The following SIAH3 variants were observed in gnomAD, a reference collection of about 807,000 sequenced individuals.
SIAH3 encodes the protein siah E3 ubiquitin protein ligase family member 3, also known as seven in absentia homolog 3.
Under a neutral mutation model 12.6 loss-of-function variants are expected in SIAH3, and 9 were observed. The observed-to-expected ratio is 0.72, with a 90% CI of 0.43 to 1.25. The LOEUF (loss-of-function observed/expected upper bound fraction) is 1.25. Ranked by LOEUF, SIAH3 falls within the 50% of genes most tolerant of loss-of-function variation. SIAH3 has a pLI of 0.00. For missense variants in SIAH3, 390 were observed against 365.4 expected (o/e 1.07, Z -0.55); for synonymous variants, 154 against 151.1 (o/e 1.02, Z -0.14).
At chr13:45,820,260 G>A (rs1950650900) in intron 1 of SIAH3, among the ~76,000 whole-genome samples, 1 of 152,174 alleles carries the variant, frequency 6.6e-6, no homozygotes, top group Admixed American at 6.5e-5. Flanking sequence ...CCAAGAGGTG[G>A]TCAAGAAGCT....
Position 45,834,709 on chromosome 13 carries a change from G to A in SIAH3, c.135+16786C>T, listed in dbSNP as rs1024694510. Among the ~76,000 whole-genome samples the A allele has an allele frequency of 2.0e-5, 3 of 152,172 alleles. No homozygotes were observed. The East Asian group carries it at 5.8e-4, about 29-fold the overall frequency. ...CAAACCGACCTACTGTGGGCCAGAA[G>A]AGGGGTGCTGACCGTCTTGTGCAGG... is the stretch of plus-strand genomic sequence containing the variant. On this transcript the variant is annotated intron_variant, in intron 1 of 1. Coordinates refer to ENST00000400405, the MANE Select transcript of SIAH3 (RefSeq NM_198849.3).
intron 1 of SIAH3, among the ~76,000 whole-genome samples, chr13:45,803,805 A>C (rs2137559707): frequency 6.6e-6 from 1 of 152,178 alleles, no homozygotes; most frequent in South Asian, 2.1e-4. Flanking sequence ...ACTGCTAAGG[A>C]GTTTGAGTCT....
chr13:45,798,998 AGTC>A (rs1950572646), intron 1 of SIAH3, among the ~76,000 whole-genome samples: 1 of 152,240 alleles, frequency 6.6e-6, no homozygotes, highest in Non-Finnish European at 1.5e-5. Flanking sequence ...CACGACAAGT[AGTC>A]CAAATGAACC....
At chr13:45,822,520 AATATATATATATATATATATATATAT>A (rs36106322) in intron 1 of SIAH3, among the ~76,000 whole-genome samples, 4 of 85,420 alleles carry the variant, frequency 4.7e-5, no homozygotes, top group African/African-American at 1.8e-4. Flanking sequence ...TTCATTATCA[AATATATATATATATATATATATATAT>A]ATATATATAT....
chr13:45,799,768 A>G (rs948959338), intron 1 of SIAH3, among the ~76,000 whole-genome samples: 4 of 152,122 alleles, frequency 2.6e-5, no homozygotes, highest in African/African-American at 7.2e-5. Flanking sequence ...CTCATATTTC[A>G]TTTCATTCCA....
In SIAH3 at chr13:45,801,806, A is replaced by G. The variant is rs144318607; in HGVS notation, c.136-17749T>C. On this transcript the variant is annotated intron_variant, in intron 1 of 1. Transcript: ENST00000400405. Reference sequence around the variant, plus strand: ...ATGCTTTGGTTACCTGGGCAATAACATCTGCTGGCTGATATTCTGCATGCT... The same window carrying G: ...ATGCTTTGGTTACCTGGGCAATAACGTCTGCTGGCTGATATTCTGCATGCT... 5.7e-4 allele frequency among the ~76,000 whole-genome samples: 87 copies of G among 152,302 alleles called. No homozygotes were observed. In the Middle Eastern group the frequency reaches 0.014, roughly 24 times the overall value.
chr13:45,814,328 C>T (rs1347717587), intron 1 of SIAH3, among the ~76,000 whole-genome samples: 2 of 150,950 alleles, frequency 1.3e-5, no homozygotes, highest in African/African-American at 4.9e-5. Context: ...AGGGAGCCGA[C>T]AATTCAATGG....
chr13:45,813,710 G>A (rs1462795220), intron 1 of SIAH3, among the ~76,000 whole-genome samples: 1 of 152,178 alleles, frequency 6.6e-6, no homozygotes, highest in Non-Finnish European at 1.5e-5. Context: ...GGTGTCTGGT[G>A]AGGGCCTGCT....
intron 1 of SIAH3, among the ~76,000 whole-genome samples, chr13:45,841,464 A>G (rs796097930): frequency 7.9e-5 from 12 of 152,314 alleles, no homozygotes; most frequent in African/African-American, 2.6e-4. Context: ...TACTTGCTCC[A>G]TGCTGTTTCC....
rs997580024 is a variant in SIAH3, at chr13:45,781,314, C to T, written c.*2069G>A. On this transcript the variant is annotated 3_prime_UTR_variant, in exon 2 of 2. Transcript: ENST00000400405. ...TTTCAAAGTGGTTGAGTCTCAAAAACCAGGAGAGGACCTGTGGCTTCTAAA... is the reference window on the plus strand; with the variant it reads ...TTTCAAAGTGGTTGAGTCTCAAAAATCAGGAGAGGACCTGTGGCTTCTAAA... The T allele has an allele frequency of 6.6e-5, 10 of 152,326 alleles. No individual in the cohort carries two copies. Among genetic ancestry groups the T allele is most frequent in the African/African-American group, 2.4e-4 (10 of 41,440 alleles). 9.4% of individuals were successfully genotyped at this position (152,326 alleles called of 1,614,324 possible).
intron 1 of SIAH3, among the ~76,000 whole-genome samples, chr13:45,831,222 AT>A (rs1950698012): frequency 1.3e-5 from 2 of 151,728 alleles, no homozygotes; most frequent in East Asian, 3.9e-4. Context: ...AAATAAATAA[AT>A]AAAATAAAAA....
chr13:45,815,715 G>T (rs567594299), intron 1 of SIAH3, among the ~76,000 whole-genome samples: 1 of 152,276 alleles, frequency 6.6e-6, no homozygotes, highest in Non-Finnish European at 1.5e-5. Context: ...GATTACAGTT[G>T]TTCACTCCAT....
chr13:45,842,935 C>T (rs187990500), intron 1 of SIAH3, among the ~76,000 whole-genome samples: 1 of 152,216 alleles, frequency 6.6e-6, no homozygotes, highest in East Asian at 1.9e-4. Flanking sequence ...GTATTCCGCA[C>T]CCACTGGGCT....
In SIAH3 at chr13:45,780,269, C is replaced by CT. The variant is rs59657933; in HGVS notation, c.*3113dup. ...CCCCCTGCTTCCAGGTGGACTAGTG[C>CT]TTTTTTTTTTTTTCTAAAGAGATAG... On this transcript the variant is annotated 3_prime_UTR_variant, in exon 2 of 2. Transcript: ENST00000400405. 4.8e-4 allele frequency: 71 copies of CT among 147,098 alleles called. No homozygotes were observed. In the East Asian group the frequency reaches 5.0e-3, roughly 10 times the overall value. 9.1% of individuals were successfully genotyped at this position (147,098 alleles called of 1,614,324 possible). A position where few individuals can be genotyped will look rare whatever the true frequency, so the allele number is the denominator to read the frequency against.
Position 45,783,359 on chromosome 13 carries a change from G to C in SIAH3, c.*24C>G, listed in dbSNP as rs753900676. Reference sequence around the variant, plus strand: ...CAGGCGTTTCCTAGGGAGGCTGTGTGGGGAGCATCCGTGGCTCCTGGCCTC... The same window carrying C: ...CAGGCGTTTCCTAGGGAGGCTGTGTCGGGAGCATCCGTGGCTCCTGGCCTC... On this transcript the variant is annotated 3_prime_UTR_variant, in exon 2 of 2. Coordinates refer to ENST00000400405, the MANE Select transcript of SIAH3 (RefSeq NM_198849.3). 4.4e-6 allele frequency: 7 copies of C among 1,591,232 alleles called. No homozygotes were observed. In the South Asian group the frequency reaches 6.8e-5, roughly 15 times the overall value.
chr13:45,836,778 T>C (rs76896940), intron 1 of SIAH3, among the ~76,000 whole-genome samples: 2,469 of 152,216 alleles, frequency 0.016, 59 homozygotes, highest in African/African-American at 0.054. Flanking sequence ...AACTTAAAAG[T>C]TGAAATAAAG....
At position 45,801,099 on chromosome 13, in the gene SIAH3, G is replaced by GA. The variant is rs1555257361; in HGVS notation, c.136-17043_136-17042insT. On this transcript the variant is annotated intron_variant, in intron 1 of 1. Transcript: ENST00000400405. ...ACTGGGTGAAGTGATGGGTGGCGGG[G>GA]GGGGGCATGGCTGTAGACGTTGCTA... Among the ~76,000 whole-genome samples the GA allele has an allele frequency of 1.9e-3, 235 of 126,018 alleles. 1 individual carries two copies. Among genetic ancestry groups the GA allele is most frequent in the African/African-American group, 6.0e-3 (218 of 36,206 alleles). The allele number at this position is 126,018 out of a possible 152,430, so 82.7% of individuals were successfully genotyped here. A position where few individuals can be genotyped will look rare whatever the true frequency, so the allele number is the denominator to read the frequency against.
At chr13:45,851,234 T>C (rs930317357) in intron 1 of SIAH3, among the ~76,000 whole-genome samples, 2 of 152,104 alleles carry the variant, frequency 1.3e-5, no homozygotes, top group Non-Finnish European at 2.9e-5. Flanking sequence ...CACTCTCAGG[T>C]TGACAGCGTC....
intron 1 of SIAH3, among the ~76,000 whole-genome samples, chr13:45,810,389 A>G (rs1950612518): frequency 6.6e-6 from 1 of 152,236 alleles, no homozygotes; most frequent in Non-Finnish European, 1.5e-5. Flanking sequence ...AGGCCGCTAT[A>G]GTGCTGCCGC....
Sources: gnomAD v4.1 joint callset for allele counts (sites outside exome capture counted in the v4.1 genomes callset) on GRCh38, gnomAD v4.1.1 for gene constraint, MANE v1.5 for transcripts, NCBI Gene and HGNC (gene_info 2026-07-23, HGNC 2026-07-21) for gene names.